The following DLGAP4 variants were observed in gnomAD, a reference collection of about 807,000 sequenced individuals.
DLGAP4 encodes DLG associated protein 4, also known as disks large-associated protein 4.
DLGAP4 carries 18 observed loss-of-function variants against 86.9 expected under a neutral mutation model. The ratio of observed to expected loss-of-function variants is 0.21; its 90% CI spans 0.14 to 0.31. The LOEUF (loss-of-function observed/expected upper bound fraction) is 0.31. Ranked by LOEUF, DLGAP4 falls within the 10% of genes least tolerant of loss-of-function variation. DLGAP4 has a pLI of 1.00. For synonymous variants in DLGAP4, 548 were observed against 574.3 expected, an observed-to-expected ratio of 0.95 and a Z score of 0.65; for missense variants, 1,085 against 1,362.6, an observed-to-expected ratio of 0.80 and a Z score of 3.21.
chr20:36,515,770 AT>A (rs1257741477), intron 10 of DLGAP4, among the ~76,000 whole-genome samples: 5 of 152,020 alleles, frequency 3.3e-5, no homozygotes, highest in African/African-American at 1.2e-4. Context: ...CTTCTTTTGG[AT>A]TAACTCCTCT....
intron 7 of DLGAP4, among the ~76,000 whole-genome samples, chr20:36,476,973 G>C (rs568532557): frequency 2.7e-5 from 4 of 148,774 alleles, no homozygotes; most frequent in Non-Finnish European, 6.0e-5. Context: ...GATTACAGGC[G>C]TGAGCTACCA....
intron 2 of DLGAP4, among the ~76,000 whole-genome samples, chr20:36,398,919 G>A (rs189307444): frequency 3.0e-4 from 46 of 152,234 alleles, no homozygotes; most frequent in African/African-American, 1.1e-3. Context: ...CTGGCCAGGC[G>A]CGGTGGCTCA....
intron 3 of DLGAP4, among the ~76,000 whole-genome samples, chr20:36,433,576 G>A (rs1337457792): frequency 1.3e-5 from 2 of 152,178 alleles, no homozygotes; most frequent in African/African-American, 2.4e-5. Flanking sequence ...GCTTCTGCAG[G>A]TAGTGAGTGC....
chr20:36,523,753 C>T (rs571234106), intron 10 of DLGAP4, among the ~76,000 whole-genome samples: 3 of 152,224 alleles, frequency 2.0e-5, no homozygotes, highest in East Asian at 1.9e-4. Context: ...AACCTCCACC[C>T]GCTGGGTTCA....
intron 7 of DLGAP4, among the ~76,000 whole-genome samples, chr20:36,479,167 G>A (rs947261214): frequency 2.6e-5 from 4 of 152,134 alleles, no homozygotes; most frequent in Non-Finnish European, 5.9e-5. Context: ...TGAGTGGGGC[G>A]GGCTCTGTGG....
At chr20:36,353,747 G>T (rs2030237438) in intron 1 of DLGAP4, among the ~76,000 whole-genome samples, 1 of 152,234 alleles carries the variant, frequency 6.6e-6, no homozygotes. Flanking sequence ...AGGAAGAGGA[G>T]CCGGCAAAGG....
rs964764335 is a variant in DLGAP4 at position 36,308,719 on chromosome 20, G to A, written c.-304+2207G>A. On this transcript the variant is annotated intron_variant, in intron 1 of 12. Coordinates refer to ENST00000339266, the MANE Select transcript of DLGAP4 (RefSeq NM_001365621.2). The surrounding 1 kb of genome is among the most constrained non-coding windows in gnomAD (Gnocchi z 4.5). ...GAGGCTCTGAGGAACTGTATCCCGG[G>A]CACCGTATGTGACAGAAGCAGGTGG... Among the ~76,000 whole-genome samples, 63 of 152,082 alleles carry A rather than the reference G, an allele frequency of 4.1e-4. No homozygotes were observed. Among genetic ancestry groups the A allele is most frequent in the Admixed American group, 3.6e-3 (55 of 15,274 alleles).
At chr20:36,430,863 G>A (rs1440745961) in intron 2 of DLGAP4, among the ~76,000 whole-genome samples, 5 of 151,494 alleles carry the variant, frequency 3.3e-5, no homozygotes, top group Non-Finnish European at 7.4e-5. Flanking sequence ...GCTGAGGCAG[G>A]AGAATCACTT....
chr20:36,306,734 A>C lies in DLGAP4; in HGVS notation c.-304+222A>C, dbSNP rs959284661. 2.0e-5 allele frequency among the ~76,000 whole-genome samples: 3 copies of C among 151,840 alleles called. No homozygotes were observed. Among genetic ancestry groups the C allele is most frequent in the Admixed American group, 1.3e-4 (2 of 15,274 alleles). ...CTGGGAAGCGCCTTCTCCGGTTGGG[A>C]TCGCCCCATCCATGTCTCCCCGGAC... is the stretch of plus-strand genomic sequence containing the variant. On this transcript the variant is annotated intron_variant, in intron 1 of 12. Coordinates refer to ENST00000339266, the MANE Select transcript of DLGAP4 (RefSeq NM_001365621.2). The surrounding 1 kb of genome is among the most constrained non-coding windows in gnomAD (Gnocchi z 4.9).
chr20:36,322,551 G>C (rs1555890630), intron 1 of DLGAP4, among the ~76,000 whole-genome samples: 4 of 152,222 alleles, frequency 2.6e-5, no homozygotes. Flanking sequence ...TTGTGAGGAT[G>C]AAGTGAGGTA....
chr20:36,491,722 G>A (rs1374148154), intron 7 of DLGAP4, among the ~76,000 whole-genome samples: 1 of 152,190 alleles, frequency 6.6e-6, no homozygotes, highest in South Asian at 2.1e-4. Context: ...TCAGGTTTGG[G>A]AGGAGCCCTA....
intron 10 of DLGAP4, among the ~76,000 whole-genome samples, chr20:36,504,874 C>T (rs2036292462): frequency 6.6e-6 from 1 of 152,044 alleles, no homozygotes; most frequent in Non-Finnish European, 1.5e-5. Context: ...AGTTGTAAGT[C>T]CTTTATATAT....
chr20:36,343,231 C>T (rs1444404944), intron 1 of DLGAP4, among the ~76,000 whole-genome samples: 7 of 152,298 alleles, frequency 4.6e-5, no homozygotes, highest in African/African-American at 7.2e-5. Context: ...TCTGAGGAGA[C>T]GGCTGCAGAC....
intron 1 of DLGAP4, among the ~76,000 whole-genome samples, chr20:36,363,586 A>G (rs1320543943): frequency 6.6e-6 from 1 of 152,116 alleles, no homozygotes; most frequent in African/African-American, 2.4e-5. Flanking sequence ...AGTGGCTGGA[A>G]GGGCAGGATT....
chr20:36,524,730 C>T (rs1444004429), intron 11 of DLGAP4, among the ~76,000 whole-genome samples: 1 of 151,972 alleles, frequency 6.6e-6, no homozygotes, highest in African/African-American at 2.4e-5. Context: ...TGGAGAAACC[C>T]TGTCTCTACT....
intron 1 of DLGAP4, among the ~76,000 whole-genome samples, chr20:36,324,376 G>A (rs531001535): frequency 3.9e-5 from 6 of 152,230 alleles, no homozygotes; most frequent in East Asian, 1.9e-4. Context: ...TCAGTGAGCC[G>A]AGATTGCACC....
intron 7 of DLGAP4, among the ~76,000 whole-genome samples, chr20:36,450,974 C>T (rs1018465261): frequency 2.0e-5 from 3 of 152,200 alleles, no homozygotes; most frequent in African/African-American, 7.2e-5. Context: ...TCTGAAAGCC[C>T]TTCCTTCTCC....
In DLGAP4 at chr20:36,496,739, G is replaced by T. The variant is rs1452222455; in HGVS notation, c.1683G>T (p.Pro561=). 2 of 1,608,292 alleles carry T rather than the reference G, an allele frequency of 1.2e-6. No homozygotes were observed. The highest frequency in any genetic ancestry group is 1.3e-5 in the African/African-American group (1 of 74,778). ...SSCLVAYKKT[P]PPVPPRTTSK... is the part of the protein sequence containing the mutation. ...GCCTAGTGGCGTATAAGAAGACCCCGCCACCGGTCCCTCCACGCACCACTT... is the reference window on the plus strand; with the variant it reads ...GCCTAGTGGCGTATAAGAAGACCCCTCCACCGGTCCCTCCACGCACCACTT... The change falls in exon 8 of 13, where the codon CCG becomes CCT. Residue 561 remains proline (P), a synonymous_variant. Coordinates refer to ENST00000339266, the MANE Select transcript of DLGAP4 (RefSeq NM_001365621.2).
At chr20:36,503,479 CTTTTTTTTT>C (rs982287997) in intron 10 of DLGAP4, among the ~76,000 whole-genome samples, 2 of 109,906 alleles carry the variant, frequency 1.8e-5, no homozygotes, top group East Asian at 2.4e-4. Flanking sequence ...CATATATGGC[CTTTTTTTTT>C]TTTTTTTTTT....
Sources: gnomAD v4.1 joint callset for allele counts (sites outside exome capture counted in the v4.1 genomes callset) on GRCh38, gnomAD v4.1.1 for gene constraint, Gnocchi (gnomAD v3.1) non-coding constraint, MANE v1.5 for transcripts, NCBI Gene and HGNC (gene_info 2026-07-23, HGNC 2026-07-21) for gene names.